DNAI2: variants seen among roughly 807,000 people sequenced by gnomAD.
DNAI2 encodes dynein, axonemal, intermediate polypeptide 2.
DNAI2 carries 63 observed loss-of-function variants against 74.7 expected under a neutral mutation model. The observed-to-expected ratio is 0.84, with a 90% confidence interval of 0.69 to 1.04. The LOEUF (loss-of-function observed/expected upper bound fraction) is 1.04, where lower values mean the gene tolerates loss of function less well. Among genes scored for constraint, DNAI2 ranks in the 50% least tolerant of loss-of-function variants. The pLI, the probability that DNAI2 is intolerant of heterozygous loss-of-function variation, is 0.00. For synonymous variants in DNAI2, 289 were observed against 314.9 expected (o/e 0.92, Z 0.87); for missense variants, 688 against 803.2 (o/e 0.86, Z 1.73).
At chr17:74,304,718 A>G (rs8069083) in intron 8 of DNAI2, among the ~76,000 whole-genome samples, 100,936 of 152,018 alleles carry the variant, frequency 0.66, 34,254 homozygotes, top group African/African-American at 0.72. Flanking sequence ...CTGCCAGGTA[A>G]CTTCCTGAGT....
intron 5 of DNAI2, 59 bp from the exon 6 acceptor site, chr17:74,290,961 G>C: frequency 6.7e-7 from 1 of 1,487,660 alleles, no homozygotes; most frequent in Non-Finnish European, 9.4e-7. Flanking sequence ...GGGTGAAACT[G>C]GTTGATCCTG....
intron 8 of DNAI2, among the ~76,000 whole-genome samples, chr17:74,304,470 C>T (rs1471536028): frequency 1.3e-5 from 2 of 152,018 alleles, no homozygotes; most frequent in African/African-American, 2.4e-5. Context: ...CAGTCTAGCC[C>T]AGAAGTTAAG....
intron 6 of DNAI2, among the ~76,000 whole-genome samples, chr17:74,298,378 C>T (rs1017903939): frequency 6.6e-6 from 1 of 152,224 alleles, no homozygotes; most frequent in Non-Finnish European, 1.5e-5. Flanking sequence ...GATCTCAGCT[C>T]ACTGCAACAT....
rs1469170124 is a variant in DNAI2, at chr17:74,300,916, C to T, written c.865-130C>T. The T allele has an allele frequency of 2.6e-5, 34 of 1,295,074 alleles. No individual in the cohort carries two copies. The African/African-American group carries it at 2.9e-4, about 11-fold the overall frequency. The allele number at this position is 1,295,074 out of a possible 1,614,324, so 80.2% of individuals were successfully genotyped here. ...AATCCTCAAAGTGTATTTGCTCCCA[C>T]GAATTGCCGGGAGCTCCATCCTTTG... On this transcript the variant is annotated intron_variant, in intron 7 of 13. Transcript: ENST00000311014. The surrounding 1 kb of genome is among the most constrained non-coding windows in gnomAD (Gnocchi z 4.5).
Position 74,287,082 on chromosome 17 carries a change from A to G in DNAI2, c.451A>G (p.Thr151Ala). ...GATGGAGGAGGACCCTTCAGCTAAA[A>G]CCATCAATGTGTTCAGGTAGCGCCA... ...EVMEEDPSAK[T>A]INVFRDPQEI... Residue 151 changes from threonine (T) to alanine (A), a missense_variant, in exon 4 of 14, where the codon ACC becomes GCC. Coordinates refer to ENST00000311014, the MANE Select transcript of DNAI2 (RefSeq NM_023036.6). 1.2e-6 allele frequency: 2 copies of G among 1,613,822 alleles called. No individual in the cohort carries two copies. The highest frequency in any genetic ancestry group is 1.7e-6 in the Non-Finnish European group (2 of 1,179,824).
chr17:74,313,587 C>T (rs1297322050), intron 12 of DNAI2, among the ~76,000 whole-genome samples: 1 of 152,222 alleles, frequency 6.6e-6, no homozygotes, highest in African/African-American at 2.4e-5. Context: ...TGCTCCTCAC[C>T]ATGGCTTGAA....
intron 1 of DNAI2, among the ~76,000 whole-genome samples, chr17:74,274,862 C>T (rs769890379): frequency 5.3e-5 from 8 of 152,088 alleles, no homozygotes; most frequent in Non-Finnish European, 1.0e-4. Flanking sequence ...CTCGTGTGAT[C>T]GAGGTCATAC....
chr17:74,307,471 G>A (rs192533898), intron 9 of DNAI2: 21 of 350,956 alleles, frequency 6.0e-5, no homozygotes, highest in Admixed American at 2.9e-4. Flanking sequence ...AGTTCAAGAC[G>A]AGCCTGGCCA....
At chr17:74,295,965 T>C (rs1464117000) in intron 6 of DNAI2, among the ~76,000 whole-genome samples, 5 of 152,166 alleles carry the variant, frequency 3.3e-5, no homozygotes, top group South Asian at 2.1e-4. Context: ...AGCCAGGCAG[T>C]TGTCAACTCT....
At position 74,312,220 on chromosome 17, in the gene DNAI2, C is replaced by T. The variant is rs373090022; in HGVS notation, c.1712C>T (p.Thr571Met). ...KKKEADAIKL[T>M]PVPQQPSPEE... ...AAGGAGGCAGACGCCATAAAGCTGA[C>T]GCCAGTGCCTGTAGGGGCCTGGACA... The change falls in exon 12 of 14, where the codon ACG (threonine) becomes ATG (methionine). Residue 571 changes from threonine (T) to methionine (M), a missense_variant. Transcript: ENST00000311014. 198 of 1,591,256 alleles carry T rather than the reference C, an allele frequency of 1.2e-4. No homozygotes were observed. Among genetic ancestry groups the T allele is most frequent in the South Asian group, 1.1e-3 (100 of 88,450 alleles).
In DNAI2 at chr17:74,281,718, G is replaced by C. The variant is rs1201259483; in HGVS notation, c.-11-89G>C. ...CCTTGCTTCCTGCCCCAACCAGATT[G>C]AGAACCTGGAGCTGTCCTGGCAGGA... On this transcript the variant is annotated intron_variant, in intron 1 of 13. Coordinates refer to ENST00000311014, the MANE Select transcript of DNAI2 (RefSeq NM_023036.6). 5 of 1,337,390 alleles carry C rather than the reference G, an allele frequency of 3.7e-6. No homozygotes were observed. In the South Asian group the frequency reaches 5.9e-5, roughly 16 times the overall value. 82.8% of individuals were successfully genotyped at this position (1,337,390 alleles called of 1,614,324 possible).
chr17:74,288,402 A>G (rs1299411758), intron 4 of DNAI2, among the ~76,000 whole-genome samples: 2 of 152,244 alleles, frequency 1.3e-5, no homozygotes, highest in African/African-American at 4.8e-5. Flanking sequence ...GATGTAGCCA[A>G]CATCATTAGA....
At position 74,291,015 on chromosome 17, in the gene DNAI2, T is replaced by G. The variant is rs1378230679; in HGVS notation, c.611-5T>G. 7 of 1,613,632 alleles carry G rather than the reference T, an allele frequency of 4.3e-6. No homozygotes were observed. Among genetic ancestry groups the G allele is most frequent in the Admixed American group, 1.7e-5 (1 of 59,978 alleles). Reference sequence around the variant, plus strand: ...TGGTGGGGATAATTTTTTTGTGCTTTATAGAAAACCCCAACAAGCCTGAAC... The same window carrying G: ...TGGTGGGGATAATTTTTTTGTGCTTGATAGAAAACCCCAACAAGCCTGAAC... On this transcript the variant is annotated splice_region_variant and splice_polypyrimidine_tract_variant and intron_variant, in intron 5 of 13. Transcript: ENST00000311014.
At chr17:74,305,670 CTTTTTTTTTT>C (rs4007906) in intron 9 of DNAI2, among the ~76,000 whole-genome samples, 2 of 122,248 alleles carry the variant, frequency 1.6e-5, no homozygotes, top group African/African-American at 3.5e-5. Context: ...ATTTTATTTC[CTTTTTTTTTT>C]TTTTTTTTTT....
Position 74,312,136 on chromosome 17 carries a change from C to T in DNAI2, c.1628C>T (p.Ala543Val), listed in dbSNP as rs770547622. 5.5e-5 allele frequency: 88 copies of T among 1,613,672 alleles called. No individual in the cohort carries two copies. The highest frequency in any genetic ancestry group is 1.2e-4 in the South Asian group (11 of 91,056). The change falls in exon 12 of 14, where the codon GCG becomes GTG. Residue 543 changes from alanine (A) to valine (V), a missense_variant. Transcript: ENST00000311014. ...TDEELAVDLEALVSKAEEEFF... is the reference protein window; with the variant it reads ...TDEELAVDLEVLVSKAEEEFF... Reference sequence around the variant, plus strand: ...GAGGAGCTGGCCGTAGACCTGGAGGCGCTGGTCAGCAAGGCCGAGGAGGAG... The same window carrying T: ...GAGGAGCTGGCCGTAGACCTGGAGGTGCTGGTCAGCAAGGCCGAGGAGGAG...
rs1555613065 is a variant in DNAI2 at position 74,304,196 on chromosome 17, T to TTC, written c.988-1022_988-1021insCT. ...TTCTTTTTCTTTTTTCTTTTTTTTTTTTTTTTTTTTTTTTTTGAGGTAGGG... is the reference window on the plus strand; with the variant it reads ...TTCTTTTTCTTTTTTCTTTTTTTTTTTCTTTTTTTTTTTTTTTTGAGGTAGGG... On this transcript the variant is annotated intron_variant, in intron 8 of 13. Coordinates refer to ENST00000311014, the MANE Select transcript of DNAI2 (RefSeq NM_023036.6). 1.4e-3 allele frequency among the ~76,000 whole-genome samples: 172 copies of TTC among 126,958 alleles called. 2 individuals carry two copies. Among genetic ancestry groups the TTC allele is most frequent in the African/African-American group, 4.8e-3 (147 of 30,794 alleles). The allele number at this position is 126,958 out of a possible 152,430, so 83.3% of individuals were successfully genotyped here. A position where few individuals can be genotyped will look rare whatever the true frequency, so the allele number is the denominator to read the frequency against.
chr17:74,282,183 G>T (rs2051434639), intron 2 of DNAI2, among the ~76,000 whole-genome samples, 183 bp downstream of exon 2: 1 of 152,178 alleles, frequency 6.6e-6, no homozygotes, highest in African/African-American at 2.4e-5. Context: ...CAGGGTCAGA[G>T]GAAGACCCAG....
intron 6 of DNAI2, among the ~76,000 whole-genome samples, chr17:74,298,130 T>C (rs1555611485): frequency 6.8e-6 from 1 of 148,146 alleles, no homozygotes; most frequent in Non-Finnish European, 1.5e-5. Context: ...CTTGACTCAG[T>C]CATTATTCAT....
Position 74,299,790 on chromosome 17 carries a change from T to C in DNAI2, c.797T>C (p.Val266Ala), listed in dbSNP as rs765197781. 1 of 1,610,438 alleles carries C rather than the reference T, an allele frequency of 6.2e-7. No individual in the cohort carries two copies. Among genetic ancestry groups the C allele is most frequent in the Non-Finnish European group, 8.5e-7 (1 of 1,179,262 alleles). ...STIESSHRDPVYGTIWLQSKT... is the reference protein window; with the variant it reads ...STIESSHRDPAYGTIWLQSKT... ...ATTGAGTCCAGCCACCGAGACCCTG[T>C]GTATGGCACCATCTGGCTGCAGTCG... Residue 266 changes from valine to alanine, a missense_variant, in exon 7 of 14, where the codon GTG becomes GCG. Physicochemically the swap from Val to Ala is moderately conservative, Grantham distance 64. Transcript: ENST00000311014.
Sources: gnomAD v4.1 joint callset for allele counts (sites outside exome capture counted in the v4.1 genomes callset) on GRCh38, gnomAD v4.1.1 for gene constraint, Gnocchi (gnomAD v3.1) non-coding constraint, MANE v1.5 for transcripts, NCBI Gene and HGNC (gene_info 2026-07-23, HGNC 2026-07-21) for gene names.